The following TRIM52 variants were observed in gnomAD, a reference collection of about 807,000 sequenced individuals.
TRIM52 encodes tripartite motif containing 52.
TRIM52 carries 24 observed loss-of-function variants against 27.0 expected under a neutral mutation model. That is an observed-to-expected ratio of 0.89 (90% CI 0.64 to 1.25). TRIM52 has a LOEUF of 1.25. Among genes scored for constraint, TRIM52 ranks in the 50% most tolerant of loss-of-function variants. TRIM52 has a pLI of 0.00. For synonymous variants in TRIM52, 125 were observed against 126.5 expected, an observed-to-expected ratio of 0.99 and a Z score of 0.08; for missense variants, 351 against 354.7, an observed-to-expected ratio of 0.99 and a Z score of 0.08.
intron 1 of TRIM52, chr5:181,257,771 CAGG>C (rs1411176537): frequency 5.1e-6 from 1 of 197,116 alleles, no homozygotes; most frequent in East Asian, 1.4e-4. Context: ...GCGGGGGGAT[CAGG>C]AGGTCAAGAG....
At chr5:181,253,016 T>C (rs1340752749), downstream of TRIM52, among the ~76,000 whole-genome samples, 1 of 151,176 alleles carries the variant, frequency 6.6e-6, no homozygotes, top group African/African-American at 2.4e-5. Context: ...TATCCACTAA[T>C]CCACTGATAC....
chr5:181,250,689 C>CA (rs1400786621), downstream of TRIM52, among the ~76,000 whole-genome samples: 1 of 152,138 alleles, frequency 6.6e-6, no homozygotes, highest in Admixed American at 6.5e-5. Context: ...GTCATATAAA[C>CA]CAGAGTGCGA....
In TRIM52 at chr5:181,260,334, G is replaced by T. The variant is rs1424870171; in HGVS notation, c.480C>A (p.Asp160Glu). The change falls in exon 1 of 2, where the codon GAC (aspartate) becomes GAA (glutamate). Residue 160 changes from aspartate to glutamate, a missense_variant. Asp to Glu is a conservative substitution (Grantham distance 45). Coordinates refer to ENST00000688015, the MANE Select transcript of TRIM52 (RefSeq NM_001346048.2). This position sits in a 1 kb window ranked among gnomAD's most constrained non-coding sequence, Gnocchi z 4.4. ...TGTCAGGATACAGCTCTTCATCTTC[G>T]TCCTCATCGTATGCTTCCAGTATTT... ...EEEILEAYDE[D>E]EDEELYPDIH... is the part of the protein sequence containing the mutation. 2 of 1,614,094 alleles carry T rather than the reference G, an allele frequency of 1.2e-6. No individual in the cohort carries two copies. Among genetic ancestry groups the T allele is most frequent in the Non-Finnish European group, 1.7e-6 (2 of 1,180,006 alleles).
At chr5:181,249,278 C>G (rs1261271767), downstream of TRIM52, among the ~76,000 whole-genome samples, 1 of 152,128 alleles carries the variant, frequency 6.6e-6, no homozygotes, top group African/African-American at 2.4e-5. Flanking sequence ...AAGATTCCTA[C>G]GAAGTGGCAC....
chr5:181,258,475 T>A (rs981584472), intron 1 of TRIM52: 1 of 152,206 alleles, frequency 6.6e-6, no homozygotes, highest in African/African-American at 2.4e-5. Context: ...GGACATAAGT[T>A]TTTTCCATGG....
At chr5:181,252,021 G>C (rs1759644912), downstream of TRIM52, among the ~76,000 whole-genome samples, 1 of 152,158 alleles carries the variant, frequency 6.6e-6, no homozygotes, top group African/African-American at 2.4e-5. Flanking sequence ...TTTTTTGATA[G>C]GAGAAGGTAA....
downstream of TRIM52, among the ~76,000 whole-genome samples, chr5:181,249,572 A>G (rs1278388347): frequency 6.6e-6 from 1 of 152,008 alleles, no homozygotes; most frequent in Non-Finnish European, 1.5e-5. Flanking sequence ...GCTACTTAGG[A>G]GGCTGATGCA....
In TRIM52 at chr5:181,260,439, T is replaced by TTCC; in HGVS notation, c.372_374dup (p.Glu130dup). 1.3e-6 allele frequency: 2 copies of TTCC among 1,549,820 alleles called. No individual in the cohort carries two copies. The highest frequency in any genetic ancestry group is 1.7e-6 in the Non-Finnish European group (2 of 1,147,480). ...AGTCCTGATCTTCCTCTTCTTCTTC[T>TTCC]TCCTCCTCGTCCCACATATAGTCTA... On this transcript the variant is annotated inframe_insertion, in exon 1 of 2. Transcript: ENST00000688015. This position sits in a 1 kb window ranked among gnomAD's most constrained non-coding sequence, Gnocchi z 4.4.
At chr5:181,254,795 CT>C (rs1759715911), downstream of TRIM52, 1 of 152,310 alleles carries the variant, frequency 6.6e-6, no homozygotes. Context: ...AGTGGGCTCC[CT>C]AAAGCTGAAG....
chr5:181,257,001 A>AAATT (rs1759809424), intron 1 of TRIM52, 142 bp from the exon 2 acceptor site: 1 of 990,204 alleles, frequency 1.0e-6, no homozygotes, highest in African/African-American at 1.7e-5. Context: ...AGAGTGATGA[A>AAATT]TGATTTTATT....
downstream of TRIM52, among the ~76,000 whole-genome samples, chr5:181,251,053 G>A (rs1195369437): frequency 6.6e-6 from 1 of 152,168 alleles, no homozygotes; most frequent in East Asian, 1.9e-4. Context: ...ACTTTGGGAG[G>A]CCGAGGTGGA....
chr5:181,260,430 T>C lies in TRIM52; in HGVS notation c.384A>G (p.Glu128=), dbSNP rs78075294. The change falls in exon 1 of 2, where the codon GAA becomes GAG. Residue 128 remains glutamate (E), a synonymous_variant. Transcript: ENST00000688015. This position sits in a 1 kb window ranked among gnomAD's most constrained non-coding sequence, Gnocchi z 4.4. ...DYMWDEEEEE[E]EEDQDYYLGG... is the part of the protein sequence containing the mutation. ...CTAGGTAATAGTCCTGATCTTCCTC[T>C]TCTTCTTCTTCCTCCTCGTCCCACA... 7.6e-6 allele frequency: 6 copies of C among 785,444 alleles called. No individual in the cohort carries two copies. The Admixed American group carries it at 1.0e-4, about 13-fold the overall frequency. The allele number at this position is 785,444 out of a possible 1,614,324, so 48.7% of individuals were successfully genotyped here. A position where few individuals can be genotyped will look rare whatever the true frequency, so the allele number is the denominator to read the frequency against.
downstream of TRIM52, among the ~76,000 whole-genome samples, chr5:181,252,151 A>G (rs1050397318): frequency 6.6e-6 from 1 of 152,186 alleles, no homozygotes; most frequent in African/African-American, 2.4e-5. Context: ...TAAAAATAAA[A>G]TATTTTCTCC....
downstream of TRIM52, among the ~76,000 whole-genome samples, chr5:181,253,426 C>T (rs61563491): frequency 0.012 from 1,677 of 142,744 alleles, 420 homozygotes; most frequent in African/African-American, 0.047. Context: ...TGCCAGGCAC[C>T]GGCTATAGTG....
rs754541571 is a variant in TRIM52 at position 181,257,532 on chromosome 5, CAA to C, written c.814-675_814-674del. On this transcript the variant is annotated intron_variant, in intron 1 of 1. Coordinates refer to ENST00000688015, the MANE Select transcript of TRIM52 (RefSeq NM_001346048.2). ...AAATGAAGTTTTTTTAACATTGTAA[CAA>C]AGTATATGAAAGATAATGTATACTG... is the stretch of plus-strand genomic sequence containing the variant. The C allele has an allele frequency of 1.2e-5, 18 of 1,547,818 alleles. No homozygotes were observed. The East Asian group carries it at 2.9e-4, about 25-fold the overall frequency.
downstream of TRIM52, among the ~76,000 whole-genome samples, chr5:181,253,690 G>A (rs574550066): frequency 1.4e-5 from 2 of 142,804 alleles, no homozygotes; most frequent in South Asian, 4.4e-4. Flanking sequence ...CAATAGGGTC[G>A]AGGTTGAGAA....
At position 181,256,669 on chromosome 5, in the gene TRIM52, G is replaced by A; in HGVS notation, c.*140C>T. On this transcript the variant is annotated 3_prime_UTR_variant, in exon 2 of 2. Transcript: ENST00000688015. ...TTTCTCCTTTGCAATTAAAAGGGCT[G>A]TTTAATATTAAGCTTTCACGGCTTG... The A allele has an allele frequency of 1.7e-5, 8 of 478,598 alleles. No individual in the cohort carries two copies. Among genetic ancestry groups the A allele is most frequent in the Non-Finnish European group, 2.2e-5 (8 of 366,770 alleles). The allele number at this position is 478,598 out of a possible 1,614,324, so 29.6% of individuals were successfully genotyped here. A position where few individuals can be genotyped will look rare whatever the true frequency, so the allele number is the denominator to read the frequency against.
chr5:181,249,096 C>T (rs1256238085), downstream of TRIM52, among the ~76,000 whole-genome samples: 1 of 152,124 alleles, frequency 6.6e-6, no homozygotes, highest in African/African-American at 2.4e-5. Flanking sequence ...TTGCTACCTG[C>T]TAAAAACGCA....
chr5:181,257,916 G>C (rs1759852012), intron 1 of TRIM52: 1 of 153,672 alleles, frequency 6.5e-6, no homozygotes, highest in African/African-American at 2.4e-5. Flanking sequence ...CTTGAACTCG[G>C]GAGGCGTAGG....
Sources: gnomAD v4.1 joint callset for allele counts (sites outside exome capture counted in the v4.1 genomes callset) on GRCh38, gnomAD v4.1.1 for gene constraint, Gnocchi (gnomAD v3.1) non-coding constraint, MANE v1.5 for transcripts, NCBI Gene and HGNC (gene_info 2026-07-23, HGNC 2026-07-21) for gene names.